EPCAM: variants seen among roughly 807,000 people sequenced by gnomAD.
The protein encoded by EPCAM is adenocarcinoma-associated antigen.
A neutral mutation model predicts 40.0 loss-of-function variants in EPCAM; 39 were observed. The observed-to-expected ratio is 0.98, with a 90% CI of 0.76 to 1.27. EPCAM has a LOEUF of 1.27. Ranked by LOEUF, EPCAM falls within the 50% of genes most tolerant of loss-of-function variation. The pLI is 0.00. For synonymous variants in EPCAM, 168 were observed against 132.3 expected, an observed-to-expected ratio of 1.27 and a Z score of -1.85; for missense variants, 503 against 381.2, an observed-to-expected ratio of 1.32 and a Z score of -2.66.
At chr2:47,374,173 G>A (rs1671361627) in intron 3 of EPCAM, 125 bp downstream of exon 3, 15 of 1,183,000 alleles carry the variant, frequency 1.3e-5, no homozygotes, top group Non-Finnish European at 1.7e-5. Context: ...CCAGTGAAAA[G>A]CTTCCTTCTC....
At chr2:47,369,682 A>G (rs762178837) in intron 1 of EPCAM, 101 bp downstream of exon 1, 1 of 1,203,690 alleles carries the variant, frequency 8.3e-7, no homozygotes, top group African/African-American at 1.5e-5. Context: ...GGAGGGGACC[A>G]AGAGGCCGCG....
Position 47,369,393 on chromosome 2 carries a change from GC to G in EPCAM, c.-112del. The G allele has an allele frequency of 8.3e-7, 1 of 1,205,840 alleles. No homozygotes were observed. Among genetic ancestry groups the G allele is most frequent in the Non-Finnish European group, 1.1e-6 (1 of 926,046 alleles). The allele number at this position is 1,205,840 out of a possible 1,614,324, so 74.7% of individuals were successfully genotyped here. Reference sequence around the variant, plus strand: ...GTCGCTGTCCTCCCGACGCGGACCCGCGTGCCCCAGGCCTCGCGCTGCCCGG... The same window carrying G: ...GTCGCTGTCCTCCCGACGCGGACCCGGTGCCCCAGGCCTCGCGCTGCCCGG... On this transcript the variant is annotated 5_prime_UTR_variant, in exon 1 of 9. Transcript: ENST00000263735.
At chr2:47,382,809 C>T (rs961902665) in intron 7 of EPCAM, among the ~76,000 whole-genome samples, 3 of 152,098 alleles carry the variant, frequency 2.0e-5, no homozygotes, top group Non-Finnish European at 4.4e-5. Context: ...TGAATGAGTT[C>T]GATCTTTATC....
chr2:47,373,454 A>G lies in EPCAM; in HGVS notation c.77-9A>G, dbSNP rs755874586. 3.2e-6 allele frequency: 5 copies of G among 1,580,484 alleles called. No homozygotes were observed. The highest frequency in any genetic ancestry group is 4.3e-6 in the Non-Finnish European group (5 of 1,153,056). On this transcript the variant is annotated splice_polypyrimidine_tract_variant and intron_variant, in intron 1 of 8. Coordinates refer to ENST00000263735, the MANE Select transcript of EPCAM (RefSeq NM_002354.3). ...CATTTTAAAGTAGATTTTTTTTTTAATTTTCTAGAATGTGTCTGTGAAAAC... is the reference window on the plus strand; with the variant it reads ...CATTTTAAAGTAGATTTTTTTTTTAGTTTTCTAGAATGTGTCTGTGAAAAC...
At chr2:47,376,910 T>C (rs1288010744) in intron 4 of EPCAM, 104 bp from the exon 5 acceptor site, 3 of 742,168 alleles carry the variant, frequency 4.0e-6, no homozygotes, top group African/African-American at 1.8e-5. Context: ...ATTTTAACTT[T>C]AATGACAGTT....
chr2:47,375,634 CA>C (rs1462979956), intron 4 of EPCAM, among the ~76,000 whole-genome samples: 2 of 152,072 alleles, frequency 1.3e-5, no homozygotes, highest in African/African-American at 4.8e-5. Flanking sequence ...CTAAGTACTT[CA>C]GTGTATGTTT....
At chr2:47,385,128 A>G in intron 7 of EPCAM, 38 bp from the exon 8 acceptor site, 15 of 1,505,860 alleles carry the variant, frequency 1.0e-5, no homozygotes, top group Non-Finnish European at 1.3e-5. Flanking sequence ...TTTTTTGAAT[A>G]GCAGTCCTAA....
At chr2:47,382,141 C>T (rs911569348) in intron 7 of EPCAM, among the ~76,000 whole-genome samples, 7 of 151,300 alleles carry the variant, frequency 4.6e-5, no homozygotes, top group African/African-American at 1.7e-4. Context: ...TAAAAAATAA[C>T]GATGGGCATG....
rs1292365776 is a variant in EPCAM at position 47,369,773 on chromosome 2, C to G, written c.76+192C>G. Reference sequence around the variant, plus strand: ...CGGTAGGAAACGGCGAGGGCCGTCCCGGGGAGCAGCCTCACTTCGCAGCTT... The same window carrying G: ...CGGTAGGAAACGGCGAGGGCCGTCCGGGGGAGCAGCCTCACTTCGCAGCTT... On this transcript the variant is annotated intron_variant, in intron 1 of 8. Coordinates refer to ENST00000263735, the MANE Select transcript of EPCAM (RefSeq NM_002354.3). The G allele has an allele frequency of 7.0e-6, 5 of 710,420 alleles. No individual in the cohort carries two copies. The Admixed American group carries it at 8.1e-5, about 11-fold the overall frequency. The allele number at this position is 710,420 out of a possible 1,614,324, so 44.0% of individuals were successfully genotyped here.
At chr2:47,382,625 G>A (rs1406225735) in intron 7 of EPCAM, among the ~76,000 whole-genome samples, 1 of 152,212 alleles carries the variant, frequency 6.6e-6, no homozygotes, top group Non-Finnish European at 1.5e-5. Context: ...GGCAGAGGTT[G>A]TAGTGAGCCG....
chr2:47,386,051 AATAG>A (rs1671736009), intron 8 of EPCAM, among the ~76,000 whole-genome samples: 1 of 152,230 alleles, frequency 6.6e-6, no homozygotes, highest in Admixed American at 6.5e-5. Flanking sequence ...AAATGAGGAT[AATAG>A]ATAGTATGGA....
intron 7 of EPCAM, among the ~76,000 whole-genome samples, chr2:47,381,174 A>G (rs1354603014): frequency 2.0e-5 from 3 of 149,312 alleles, no homozygotes; most frequent in African/African-American, 7.4e-5. Flanking sequence ...AGGCGGGTGG[A>G]TCACCCGAGG....
intron 4 of EPCAM, among the ~76,000 whole-genome samples, chr2:47,376,504 C>T (rs1671431754): frequency 6.6e-6 from 1 of 152,158 alleles, no homozygotes; most frequent in South Asian, 2.1e-4. Flanking sequence ...AGGTGATCTG[C>T]CCACCTCAGC....
intron 5 of EPCAM, chr2:47,377,837 T>TA: frequency 4.6e-6 from 2 of 432,434 alleles, no homozygotes; most frequent in Admixed American, 3.3e-5. Context: ...AACTCTGGTT[T>TA]AAAAAATAAA....
chr2:47,372,808 A>G (rs1281786813), intron 1 of EPCAM, among the ~76,000 whole-genome samples: 1 of 152,194 alleles, frequency 6.6e-6, no homozygotes, highest in Non-Finnish European at 1.5e-5. Context: ...ACTAACAGGG[A>G]TGTTACTTAG....
intron 1 of EPCAM, chr2:47,369,805 C>T: frequency 4.4e-6 from 3 of 678,546 alleles, no homozygotes; most frequent in Non-Finnish European, 8.4e-6. Context: ...GCTTTGCTCG[C>T]CTTGGTAGGG....
intron 6 of EPCAM, among the ~76,000 whole-genome samples, chr2:47,379,292 C>G (rs1473297214): frequency 6.6e-6 from 1 of 152,092 alleles, no homozygotes; most frequent in East Asian, 1.9e-4. Context: ...TATTTATTAT[C>G]TACTTGGTGG....
intron 7 of EPCAM, chr2:47,383,478 A>ATT (rs985766734): frequency 6.6e-6 from 1 of 150,596 alleles, no homozygotes. Flanking sequence ...TAATTTTTGT[A>ATT]TTTTTTGGTA....
chr2:47,374,136 G>A, intron 3 of EPCAM, 88 bp downstream of exon 3: 3 of 1,486,188 alleles, frequency 2.0e-6, no homozygotes, highest in South Asian at 1.2e-5. Flanking sequence ...ATGATTTCAT[G>A]GTTTAGAATT....
Sources: gnomAD v4.1 joint callset for allele counts (sites outside exome capture counted in the v4.1 genomes callset) on GRCh38, gnomAD v4.1.1 for gene constraint, MANE v1.5 for transcripts, NCBI Gene and HGNC (gene_info 2026-07-23, HGNC 2026-07-21) for gene names.